CNTN4: variants seen among roughly 807,000 people sequenced by gnomAD.
CNTN4 encodes the protein contactin-4.
In CNTN4, 77 loss-of-function variants were observed where a neutral mutation model predicts 122.5. That is an observed-to-expected ratio of 0.63 (90% CI 0.52 to 0.76). The LOEUF (loss-of-function observed/expected upper bound fraction) is 0.76. Ranked by LOEUF, CNTN4 falls within the 30% of genes least tolerant of loss-of-function variation. The probability of loss-of-function intolerance (pLI) is 0.00; values close to 1 mark genes in which losing one functional copy is unlikely to be tolerated. For synonymous variants in CNTN4, 512 were observed against 447.0 expected (o/e 1.15, Z -1.83); for missense variants, 1,256 against 1,259.1 (o/e 1.00, Z 0.04).
Position 2,435,224 on chromosome 3 carries a change from T to A in CNTN4, c.-89+95991T>A, listed in dbSNP as rs936012786. Among the ~76,000 whole-genome samples, 3 of 152,208 alleles carry A rather than the reference T, an allele frequency of 2.0e-5. No individual in the cohort carries two copies. The South Asian group carries it at 6.2e-4, about 32-fold the overall frequency. On this transcript the variant is annotated intron_variant, in intron 3 of 24. Coordinates refer to ENST00000418658, the MANE Select transcript of CNTN4 (RefSeq NM_175607.3). Reference sequence around the variant, plus strand: ...AAATATAAATACAGTCATCCCTCAGTGTCTGCGAGGAATTGCTTCCAGGAC... The same window carrying A: ...AAATATAAATACAGTCATCCCTCAGAGTCTGCGAGGAATTGCTTCCAGGAC...
intron 4 of CNTN4, among the ~76,000 whole-genome samples, chr3:2,649,037 G>T (rs1037855529): frequency 2.6e-5 from 4 of 152,160 alleles, no homozygotes; most frequent in Non-Finnish European, 4.4e-5. Flanking sequence ...TCAATTCTGT[G>T]AAGGCTGAAA....
rs190552490 is a variant in CNTN4 at position 2,830,245 on chromosome 3, A to G, written c.454+10664A>G. ...GCACTATGTAACTGTATTTGTGGATACACAGATTTCAATTCAAGTTGAGTA... is the reference window on the plus strand; with the variant it reads ...GCACTATGTAACTGTATTTGTGGATGCACAGATTTCAATTCAAGTTGAGTA... On this transcript the variant is annotated intron_variant, in intron 7 of 24. Coordinates refer to ENST00000418658, the MANE Select transcript of CNTN4 (RefSeq NM_175607.3). Among the ~76,000 whole-genome samples, 13 of 151,264 alleles carry G rather than the reference A, an allele frequency of 8.6e-5. No homozygotes were observed. The East Asian group carries it at 2.1e-3, about 25-fold the overall frequency.
chr3:2,946,248 T>C lies in CNTN4; in HGVS notation c.1358+20469T>C, dbSNP rs530691249. On this transcript the variant is annotated intron_variant, in intron 13 of 24. Transcript: ENST00000418658. ...AGGTAAGGGGAGAAGGGAGGGTCAA[T>C]AGGAGTGTATGAGAATCTCAGGCAA... 2.0e-5 allele frequency among the ~76,000 whole-genome samples: 3 copies of C among 152,230 alleles called. No individual in the cohort carries two copies. The South Asian group carries it at 6.2e-4, about 32-fold the overall frequency.
chr3:2,727,949 C>G (rs1383582713), intron 4 of CNTN4, among the ~76,000 whole-genome samples: 1 of 152,176 alleles, frequency 6.6e-6, no homozygotes, highest in African/African-American at 2.4e-5. Flanking sequence ...TCTGTCTCCT[C>G]TAATATTTGC....
chr3:2,187,093 TA>T, intron 2 of CNTN4, among the ~76,000 whole-genome samples: 1 of 152,310 alleles, frequency 6.6e-6, no homozygotes, highest in South Asian at 2.1e-4. Flanking sequence ...CCATCTTGAA[TA>T]AATTTTTGTA....
At chr3:2,467,721 A>G (rs1257472013) in intron 3 of CNTN4, among the ~76,000 whole-genome samples, 1 of 152,212 alleles carries the variant, frequency 6.6e-6, no homozygotes. Context: ...TCTTAGATAT[A>G]GGTGTAAATT....
chr3:2,201,050 C>T (rs2038074027), intron 2 of CNTN4, among the ~76,000 whole-genome samples: 1 of 151,998 alleles, frequency 6.6e-6, no homozygotes, highest in South Asian at 2.1e-4. Flanking sequence ...TGAGAAATGC[C>T]AAGGGAACTA....
intron 2 of CNTN4, among the ~76,000 whole-genome samples, chr3:2,120,397 ATATATATATTTTTT>A (rs1559261015): frequency 4.2e-4 from 13 of 30,646 alleles, no homozygotes; most frequent in African/African-American, 1.1e-3. Flanking sequence ...ATATATATAT[ATATATATATTTTTT>A]TTTTTTTTTT....
intron 3 of CNTN4, among the ~76,000 whole-genome samples, chr3:2,377,586 T>TGA (rs766165233): frequency 5.9e-5 from 9 of 152,014 alleles, no homozygotes; most frequent in East Asian, 3.9e-4. Context: ...AACACAGCTG[T>TGA]GAGAGAGAGA....
chr3:2,765,385 C>A (rs2090808459), intron 6 of CNTN4, among the ~76,000 whole-genome samples: 1 of 152,110 alleles, frequency 6.6e-6, no homozygotes, highest in South Asian at 2.1e-4. Context: ...TGCTTTTTTT[C>A]CGGGTTAAGA....
intron 2 of CNTN4, among the ~76,000 whole-genome samples, chr3:2,308,280 T>A (rs2042790895): frequency 6.6e-6 from 1 of 152,068 alleles, no homozygotes. Context: ...ATTTTAGGAT[T>A]TTGAATTTTC....
intron 3 of CNTN4, among the ~76,000 whole-genome samples, chr3:2,467,656 T>C (rs2075550617): frequency 6.6e-6 from 1 of 152,196 alleles, no homozygotes; most frequent in Non-Finnish European, 1.5e-5. Context: ...CTATAAACAG[T>C]AGTTATGCAC....
chr3:2,741,420 A>G (rs2089449548), intron 5 of CNTN4, among the ~76,000 whole-genome samples: 1 of 152,192 alleles, frequency 6.6e-6, no homozygotes, highest in Admixed American at 6.5e-5. Context: ...AGAAAGTAAG[A>G]AAACAACAAC....
intron 2 of CNTN4, among the ~76,000 whole-genome samples, chr3:2,288,706 G>A (rs938011633): frequency 5.9e-5 from 9 of 152,148 alleles, no homozygotes; most frequent in African/African-American, 1.9e-4. Context: ...TAATGAAAAT[G>A]TATGTTATCA....
At chr3:2,261,137 G>A (rs1209126925) in intron 2 of CNTN4, among the ~76,000 whole-genome samples, 3 of 152,104 alleles carry the variant, frequency 2.0e-5, no homozygotes, top group East Asian at 3.8e-4. Flanking sequence ...ATCACATTTG[G>A]AGGTAGAAAA....
At chr3:2,352,749 G>A (rs974793766) in intron 3 of CNTN4, among the ~76,000 whole-genome samples, 113 of 152,332 alleles carry the variant, frequency 7.4e-4, no homozygotes, top group African/African-American at 2.3e-3. Flanking sequence ...CCCATCAACC[G>A]CCCAAGGGCT....
chr3:2,939,886 A>G (rs891357026), intron 13 of CNTN4, among the ~76,000 whole-genome samples: 1 of 152,230 alleles, frequency 6.6e-6, no homozygotes, highest in Non-Finnish European at 1.5e-5. Flanking sequence ...CTCTCTGTTC[A>G]GCGATAGCTC....
chr3:2,704,172 C>T (rs901588020), intron 4 of CNTN4, among the ~76,000 whole-genome samples: 47 of 151,780 alleles, frequency 3.1e-4, no homozygotes, highest in African/African-American at 1.1e-3. Context: ...TGGCATACAC[C>T]TGTAGTCCCC....
chr3:2,415,572 T>G (rs996403224), intron 3 of CNTN4, among the ~76,000 whole-genome samples: 1 of 152,212 alleles, frequency 6.6e-6, no homozygotes, highest in Non-Finnish European at 1.5e-5. Context: ...TTATTTTTAG[T>G]TCAATGGTAG....
Sources: allele counts gnomAD v4.1 joint callset (sites outside exome capture counted in the v4.1 genomes callset), GRCh38; gene constraint gnomAD v4.1.1; transcripts MANE v1.5; gene names NCBI Gene and HGNC (gene_info 2026-07-23, HGNC 2026-07-21).